Variants in TBC1D5 observed in about 807,000 individuals in gnomAD.
TBC1D5 encodes TBC1 domain family, member 5.
Under a neutral mutation model 100.3 loss-of-function variants are expected in TBC1D5, and 75 were observed. The ratio of observed to expected loss-of-function variants is 0.75; its 90% CI spans 0.62 to 0.91. The LOEUF (loss-of-function observed/expected upper bound fraction) is 0.91, where lower values mean the gene tolerates loss of function less well. Among genes scored for constraint, TBC1D5 ranks in the 40% least tolerant of loss-of-function variants. The pLI is 0.00. For missense variants in TBC1D5, 910 were observed against 942.4 expected, an observed-to-expected ratio of 0.97 and a Z score of 0.45; for synonymous variants, 323 against 325.6, an observed-to-expected ratio of 0.99 and a Z score of 0.09.
intron 1 of TBC1D5, among the ~76,000 whole-genome samples, chr3:17,669,638 A>G (rs2067694946): frequency 1.3e-5 from 2 of 152,200 alleles, no homozygotes; most frequent in Non-Finnish European, 2.9e-5. Context: ...TAGGGCTGTC[A>G]TATTAAAATA....
intron 18 of TBC1D5, among the ~76,000 whole-genome samples, chr3:17,204,367 T>C (rs1003074774): frequency 6.6e-6 from 1 of 152,200 alleles, no homozygotes; most frequent in African/African-American, 2.4e-5. Context: ...ACTGAAAGAA[T>C]ATACAAATGT....
intron 13 of TBC1D5, chr3:17,340,747 A>G (rs939906598): frequency 6.6e-6 from 1 of 152,252 alleles, no homozygotes; most frequent in Admixed American, 6.5e-5. Flanking sequence ...AATGAAGTCT[A>G]GAGTCAATGA....
intron 2 of TBC1D5, among the ~76,000 whole-genome samples, chr3:17,544,131 G>C (rs967900485): frequency 6.6e-6 from 1 of 152,068 alleles, no homozygotes; most frequent in Non-Finnish European, 1.5e-5. Context: ...GCCTCCCAAA[G>C]TGTTCGGATT....
intron 2 of TBC1D5, among the ~76,000 whole-genome samples, chr3:17,564,967 A>C (rs1481587647): frequency 6.6e-6 from 1 of 151,898 alleles, no homozygotes; most frequent in East Asian, 1.9e-4. Flanking sequence ...AAAAAAATGA[A>C]AGTTGAGAAC....
intron 14 of TBC1D5, among the ~76,000 whole-genome samples, chr3:17,298,930 C>A (rs964721800): frequency 6.6e-6 from 1 of 152,096 alleles, no homozygotes; most frequent in Non-Finnish European, 1.5e-5. Flanking sequence ...ATACCTGAAA[C>A]CTCAAATAGT....
At chr3:17,286,282 A>G (rs1279431470) in intron 15 of TBC1D5, among the ~76,000 whole-genome samples, 2 of 152,234 alleles carry the variant, frequency 1.3e-5, no homozygotes, top group Non-Finnish European at 2.9e-5. Flanking sequence ...ATAGTTTTAA[A>G]CCTTTTTTCC....
intron 17 of TBC1D5, among the ~76,000 whole-genome samples, chr3:17,224,718 A>T (rs2074660118): frequency 6.6e-6 from 1 of 152,212 alleles, no homozygotes; most frequent in African/African-American, 2.4e-5. Context: ...TAGCTTATCA[A>T]TTCTTTACTG....
At chr3:17,461,466 T>A (rs2095208439) in intron 3 of TBC1D5, among the ~76,000 whole-genome samples, 1 of 152,238 alleles carries the variant, frequency 6.6e-6, no homozygotes, top group Admixed American at 6.5e-5. Context: ...ACTTTTCATT[T>A]GCAAAGCCAT....
At chr3:17,371,290 T>G (rs2092445277) in intron 13 of TBC1D5, among the ~76,000 whole-genome samples, 1 of 152,188 alleles carries the variant, frequency 6.6e-6, no homozygotes, top group African/African-American at 2.4e-5. Flanking sequence ...ATGAATATTT[T>G]ATTGTATTGT....
intron 13 of TBC1D5, among the ~76,000 whole-genome samples, chr3:17,358,860 G>A (rs906964693): frequency 1.3e-5 from 2 of 151,192 alleles, no homozygotes. Context: ...ATGGTACACT[G>A]GTATAAAAAA....
At chr3:17,695,739 C>T (rs536835627) in intron 1 of TBC1D5, among the ~76,000 whole-genome samples, 37 of 152,150 alleles carry the variant, frequency 2.4e-4, no homozygotes, top group Non-Finnish European at 5.1e-4. Context: ...AGCTCTGCAC[C>T]AAGCTGACCT....
At chr3:17,483,231 G>A (rs933141421) in intron 3 of TBC1D5, among the ~76,000 whole-genome samples, 1 of 151,944 alleles carries the variant, frequency 6.6e-6, no homozygotes, top group Non-Finnish European at 1.5e-5. Flanking sequence ...AACCATATAA[G>A]AACTGCAAGT....
intron 3 of TBC1D5, among the ~76,000 whole-genome samples, chr3:17,497,430 G>A (rs1165706165): frequency 6.6e-6 from 1 of 152,156 alleles, no homozygotes; most frequent in African/African-American, 2.4e-5. Context: ...CAACAAATAT[G>A]TTTGTATAAA....
chr3:17,407,967 G>A (rs908805825), intron 4 of TBC1D5, among the ~76,000 whole-genome samples: 2 of 152,136 alleles, frequency 1.3e-5, no homozygotes, highest in South Asian at 2.1e-4. Context: ...TCATGCTTTT[G>A]GGTCATTTTA....
intron 21 of TBC1D5, among the ~76,000 whole-genome samples, 196 bp downstream of exon 22, chr3:17,166,571 T>C (rs776003648): frequency 1.3e-5 from 2 of 152,228 alleles, no homozygotes; most frequent in Non-Finnish European, 2.9e-5. Context: ...ACACTTGTCT[T>C]ACCAGTATCA....
At chr3:17,649,130 T>C (rs1381491452) in intron 1 of TBC1D5, among the ~76,000 whole-genome samples, 1 of 152,138 alleles carries the variant, frequency 6.6e-6, no homozygotes, top group Admixed American at 6.6e-5. Context: ...ATATACACAA[T>C]GGAATACTAT....
intron 15 of TBC1D5, among the ~76,000 whole-genome samples, chr3:17,269,915 T>C (rs1378604135): frequency 6.6e-6 from 1 of 152,162 alleles, no homozygotes; most frequent in Non-Finnish European, 1.5e-5. Context: ...CCTAGGTTTA[T>C]TCCATGTATT....
chr3:17,347,610 C>T (rs140288293), intron 13 of TBC1D5, among the ~76,000 whole-genome samples: 134 of 151,510 alleles, frequency 8.8e-4, no homozygotes, highest in African/African-American at 3.1e-3. Context: ...TGAGATGAAG[C>T]AACTGAGTTG....
Position 17,506,877 on chromosome 3 carries a change from G to A in TBC1D5, c.97+1597C>T, listed in dbSNP as rs188381710. Among the ~76,000 whole-genome samples, 156 of 152,156 alleles carry A rather than the reference G, an allele frequency of 1.0e-3. 2 individuals carry two copies. In the South Asian group the frequency reaches 0.019, roughly 18 times the overall value. Reference sequence around the variant, plus strand: ...AAAAACACAAAAAAATTAGCCAGGCGAAGTGGCAGCCGCCTGTAGTCCCAG... The same window carrying A: ...AAAAACACAAAAAAATTAGCCAGGCAAAGTGGCAGCCGCCTGTAGTCCCAG... On this transcript the variant is annotated intron_variant, in intron 3 of 21. Coordinates refer to ENST00000253692, the Ensembl canonical transcript of TBC1D5.
Sources: gnomAD v4.1 joint callset for allele counts (sites outside exome capture counted in the v4.1 genomes callset) on GRCh38, gnomAD v4.1.1 for gene constraint, MANE v1.5 for transcripts, NCBI Gene and HGNC (gene_info 2026-07-23, HGNC 2026-07-21) for gene names.